Variants in ZNF592 observed in about 807,000 individuals in gnomAD.
ZNF592 encodes zinc finger protein 592.
A neutral mutation model predicts 80.3 loss-of-function variants in ZNF592; 11 were observed. The observed-to-expected ratio is 0.14, with a 90% CI of 0.09 to 0.23. The LOEUF (loss-of-function observed/expected upper bound fraction) is 0.23, where lower values mean the gene tolerates loss of function less well. Ranked by LOEUF, ZNF592 falls within the 10% of genes least tolerant of loss-of-function variation. The pLI, the probability that ZNF592 is intolerant of heterozygous loss-of-function variation, is 1.00. For synonymous variants in ZNF592, 646 were observed against 640.3 expected (o/e 1.01, Z -0.13); for missense variants, 1,420 against 1,633.9 (o/e 0.87, Z 2.26).
At chr15:84,789,297 G>A (rs1962675780) in intron 4 of ZNF592, among the ~76,000 whole-genome samples, 1 of 150,108 alleles carries the variant, frequency 6.7e-6, no homozygotes, top group African/African-American at 2.4e-5. Flanking sequence ...ATTCCATTGT[G>A]TGTACATACC....
intron 1 of ZNF592, among the ~76,000 whole-genome samples, chr15:84,763,371 G>C (rs1445345434): frequency 6.6e-6 from 1 of 152,218 alleles, no homozygotes; most frequent in Non-Finnish European, 1.5e-5. Flanking sequence ...GAGAGAGACT[G>C]TCTGGATAAC....
At chr15:84,762,039 C>T (rs2008262) in intron 1 of ZNF592, among the ~76,000 whole-genome samples, 63,815 of 151,960 alleles carry the variant, frequency 0.42, 13,535 homozygotes, top group East Asian at 0.55. Context: ...ATCAACCAAA[C>T]GGCTGCTTCT....
chr15:84,764,857 A>G (rs867422909), intron 2 of ZNF592, 42 bp downstream of exon 2: 24 of 398,362 alleles, frequency 6.0e-5, no homozygotes, highest in African/African-American at 4.3e-4. Flanking sequence ...TGAAAAGCCA[A>G]GAGTTTGAAC....
chr15:84,764,102 CT>C (rs1361152756), intron 1 of ZNF592, among the ~76,000 whole-genome samples: 4 of 152,232 alleles, frequency 2.6e-5, no homozygotes, highest in Admixed American at 6.5e-5. Context: ...ACCTGCCCCC[CT>C]GGCCCCTGCT....
chr15:84,793,452 A>G (rs547777295), intron 5 of ZNF592, among the ~76,000 whole-genome samples: 1 of 152,376 alleles, frequency 6.6e-6, no homozygotes, highest in Non-Finnish European at 1.5e-5. Flanking sequence ...ACAAGTAAAA[A>G]GAAATGTCTC....
At chr15:84,789,431 G>A (rs1166309867) in intron 4 of ZNF592, among the ~76,000 whole-genome samples, 11 of 152,108 alleles carry the variant, frequency 7.2e-5, no homozygotes, top group Middle Eastern at 3.4e-3. Context: ...TTGCTTTTAA[G>A]TCTTTTTGGT....
chr15:84,771,008 C>G (rs1196750933), intron 2 of ZNF592, among the ~76,000 whole-genome samples: 1 of 152,070 alleles, frequency 6.6e-6, no homozygotes, highest in Non-Finnish European at 1.5e-5. Flanking sequence ...ACACCTTGCA[C>G]AGGGCAAGCA....
Position 84,806,342 on chromosome 15 carries a change from G to A in ZNF592, c.*3949G>A, listed in dbSNP as rs1963232366. ...ACTAGGACGCAGGTCCCAAGTATGG[G>A]ATTTTTTTGGGTTCCTACTTAAAAT... On this transcript the variant is annotated 3_prime_UTR_variant, in exon 11 of 11. Coordinates refer to ENST00000560079, the MANE Select transcript of ZNF592 (RefSeq NM_014630.3). The A allele has an allele frequency of 1.3e-5, 2 of 152,202 alleles. No homozygotes were observed. The highest frequency in any genetic ancestry group is 2.4e-5 in the African/African-American group (1 of 41,458). 9.4% of individuals were successfully genotyped at this position (152,202 alleles called of 1,614,324 possible).
chr15:84,783,932 C>T lies in ZNF592; in HGVS notation c.1257C>T (p.Ser419=), dbSNP rs756826187. The change falls in exon 4 of 11, where the codon AGC becomes AGT. Residue 419 remains serine (S), a synonymous_variant. Transcript: ENST00000560079. The surrounding 1 kb of genome is among the most constrained non-coding windows in gnomAD (Gnocchi z 5.0). ...GGAGCGCCATTGCAGAGGCCCCCAGCGAGATGCCAGGGGATGAGGTGCCTG... is the reference window on the plus strand; with the variant it reads ...GGAGCGCCATTGCAGAGGCCCCCAGTGAGATGCCAGGGGATGAGGTGCCTG... ...PLGSAIAEAP[S]EMPGDEVPVE... is the part of the protein sequence containing the mutation. 16 of 1,613,936 alleles carry T rather than the reference C, an allele frequency of 9.9e-6. No homozygotes were observed. The highest frequency in any genetic ancestry group is 5.5e-5 in the South Asian group (5 of 91,092).
Position 84,802,633 on chromosome 15 carries a change from T to C in ZNF592, c.*240T>C. The C allele has an allele frequency of 1.7e-6, 1 of 574,300 alleles. No individual in the cohort carries two copies. The highest frequency in any genetic ancestry group is 3.1e-6 in the Non-Finnish European group (1 of 320,924). 35.6% of individuals were successfully genotyped at this position (574,300 alleles called of 1,614,324 possible). On this transcript the variant is annotated 3_prime_UTR_variant, in exon 11 of 11. Coordinates refer to ENST00000560079, the MANE Select transcript of ZNF592 (RefSeq NM_014630.3). ...TTATTTATGGCTTTTCGCTGCTTCTTGGTGCCCCATCTCTTGTCTGTGTCC... is the reference window on the plus strand; with the variant it reads ...TTATTTATGGCTTTTCGCTGCTTCTCGGTGCCCCATCTCTTGTCTGTGTCC...
chr15:84,755,756 A>G (rs1206626377), intron 1 of ZNF592, among the ~76,000 whole-genome samples: 1 of 152,222 alleles, frequency 6.6e-6, no homozygotes, highest in Admixed American at 6.5e-5. Flanking sequence ...AAAAACTCAA[A>G]AACTGCCTAG....
rs1962886766 is a variant in ZNF592 at position 84,796,067 on chromosome 15, CA to C, written c.2400-1798del. Among the ~76,000 whole-genome samples, 5 of 150,926 alleles carry C rather than the reference CA, an allele frequency of 3.3e-5. No homozygotes were observed. In the Middle Eastern group the frequency reaches 0.017, roughly 513 times the overall value. On this transcript the variant is annotated intron_variant, in intron 5 of 10. Coordinates refer to ENST00000560079, the MANE Select transcript of ZNF592 (RefSeq NM_014630.3). The stretch of plus-strand genomic sequence containing the variant: ...TGAAACCCCGTCTCTACTAAAAATA[CA>C]AAAGTAAGCCGGGTGTGGTTGCAGG...
At chr15:84,769,866 C>T (rs1346984124) in intron 2 of ZNF592, among the ~76,000 whole-genome samples, 3 of 152,184 alleles carry the variant, frequency 2.0e-5, no homozygotes, top group Non-Finnish European at 4.4e-5. Flanking sequence ...GCCTCAAATT[C>T]CTGGGCTCAA....
At position 84,768,061 on chromosome 15, in the gene ZNF592, AT is replaced by A. The variant is rs71135308; in HGVS notation, c.-150+3258del. 2.6e-4 allele frequency among the ~76,000 whole-genome samples: 36 copies of A among 137,494 alleles called. No individual in the cohort carries two copies. In the Middle Eastern group the frequency reaches 0.019, roughly 73 times the overall value. 90.2% of individuals were successfully genotyped at this position (137,494 alleles called of 152,430 possible). A position where few individuals can be genotyped will look rare whatever the true frequency, so the allele number is the denominator to read the frequency against. On this transcript the variant is annotated intron_variant, in intron 2 of 10. Coordinates refer to ENST00000560079, the MANE Select transcript of ZNF592 (RefSeq NM_014630.3). The stretch of plus-strand genomic sequence containing the variant: ...CCAGCTAATTTTAATTTTAATTTTA[AT>A]TTTTTTTTTTTGTAGAGATGGGGTT...
At chr15:84,750,235 G>A (rs1000667908) in intron 1 of ZNF592, among the ~76,000 whole-genome samples, 3 of 152,328 alleles carry the variant, frequency 2.0e-5, no homozygotes, top group South Asian at 4.1e-4. Context: ...CCCGGGAGGC[G>A]GAGGTTGCAG....
chr15:84,749,999 A>G (rs1427354393), intron 1 of ZNF592, among the ~76,000 whole-genome samples: 1 of 152,244 alleles, frequency 6.6e-6, no homozygotes, highest in African/African-American at 2.4e-5. Context: ...CCATTGGGAA[A>G]GTCTAATAAT....
chr15:84,784,887 G>T lies in ZNF592; in HGVS notation c.2212G>T (p.Glu738Ter). Residue 738 changes from glutamate (E) to a stop codon, truncating the protein, a stop_gained, in exon 4 of 11, where the codon GAG becomes TAG. Transcript: ENST00000560079. LOFTEE classifies it high-confidence loss of function. The surrounding 1 kb of genome is among the most constrained non-coding windows in gnomAD (Gnocchi z 5.8). ...TTTCCAGAGGACAACAGAGGAGACA[G>T]AGGGGCTGGTAAGCAGACCCTCACT... ...AHFQRTTEETEGLTCQVCQML... is the reference protein window; with the variant it reads ...AHFQRTTEET The T allele has an allele frequency of 6.2e-7, 1 of 1,614,178 alleles. No individual in the cohort carries two copies. Among genetic ancestry groups the T allele is most frequent in the South Asian group, 1.1e-5 (1 of 91,062 alleles).
At chr15:84,777,189 AAG>A (rs1468076647) in intron 2 of ZNF592, among the ~76,000 whole-genome samples, 2 of 151,922 alleles carry the variant, frequency 1.3e-5, no homozygotes, top group Non-Finnish European at 2.9e-5. Context: ...ATTTAAAAAA[AAG>A]AGGGGCTGGG....
At chr15:84,758,025 T>G (rs887233009) in intron 1 of ZNF592, among the ~76,000 whole-genome samples, 11 of 149,650 alleles carry the variant, frequency 7.4e-5, no homozygotes, top group African/African-American at 2.7e-4. Flanking sequence ...CAGGCTAGAG[T>G]GCAGTGGCAA....
Sources: gnomAD v4.1 joint callset for allele counts (sites outside exome capture counted in the v4.1 genomes callset) on GRCh38, gnomAD v4.1.1 for gene constraint, Gnocchi (gnomAD v3.1) non-coding constraint, MANE v1.5 for transcripts, NCBI Gene and HGNC (gene_info 2026-07-23, HGNC 2026-07-21) for gene names.